Variants in TSC2 observed in about 807,000 individuals in gnomAD.
TSC2 encodes TSC complex subunit 2.
TSC2 carries 29 observed loss-of-function variants against 202.2 expected under a neutral mutation model. The observed-to-expected ratio is 0.14, with a 90% CI of 0.11 to 0.20. The LOEUF (loss-of-function observed/expected upper bound fraction) is 0.20, where lower values mean the gene tolerates loss of function less well. TSC2 is among the 10% of genes least tolerant of loss of function. The pLI is 1.00. For missense variants in TSC2, 2,429 were observed against 2,420.0 expected (o/e 1.00, Z -0.08); for synonymous variants, 1,349 against 1,044.0 (o/e 1.29, Z -5.63).
intron 26 of TSC2, 29 bp downstream of exon 26, chr16:2,077,755 G>A: frequency 6.2e-7 from 1 of 1,609,762 alleles, no homozygotes; most frequent in Non-Finnish European, 8.5e-7. Flanking sequence ...GGGGGGCACG[G>A]ACCCTGGAGC....
At position 2,081,764 on chromosome 16, in the gene TSC2, G is replaced by T; in HGVS notation, c.3780G>T (p.Thr1260=). ...YKSLSVPAAS[T]AKPPPLPRSN... ...CACTGTCGGTGCCGGCAGCCAGCAC[G>T]GCCAAACCCCCTCCTCTGCCTCGCT... Residue 1260 remains threonine (T), a synonymous_variant, in exon 31 of 42, where the codon ACG becomes ACT. Transcript: ENST00000219476. 6.2e-7 allele frequency: 1 copy of T among 1,612,730 alleles called. No homozygotes were observed. Among genetic ancestry groups the T allele is most frequent in the Non-Finnish European group, 8.5e-7 (1 of 1,179,998 alleles).
chr16:2,075,803 G>A lies in TSC2; in HGVS notation c.2550G>A (p.Leu850=), dbSNP rs781100484. ...AVPLLEFLST[L]ARLPHLYRNF... ...CCACCCTCTCCATTACCGCAGCTCT[G>A]GCCAGGCTGCCGCACCTCTACAGGA... Residue 850 remains leucine (L), a synonymous_variant, in exon 23 of 42, where the codon CTG becomes CTA. Coordinates refer to ENST00000219476, the MANE Select transcript of TSC2 (RefSeq NM_000548.5). The A allele has an allele frequency of 6.2e-7, 1 of 1,612,614 alleles. No individual in the cohort carries two copies. The highest frequency in any genetic ancestry group is 2.2e-5 in the East Asian group (1 of 44,874).
intron 38 of TSC2, among the ~76,000 whole-genome samples, 151 bp from the exon 39 acceptor site, chr16:2,087,708 CCAGA>C (rs906930924): frequency 1.2e-4 from 19 of 152,290 alleles, no homozygotes; most frequent in African/African-American, 3.1e-4. Context: ...CTGGGGGAGG[CCAGA>C]CAAACACAGC....
chr16:2,059,966 G>T (rs909649089), intron 10 of TSC2, among the ~76,000 whole-genome samples: 2 of 152,134 alleles, frequency 1.3e-5, no homozygotes, highest in African/African-American at 4.8e-5. Flanking sequence ...CAGCCCAAAG[G>T]CTTTATTCTC....
intron 16 of TSC2, chr16:2,066,455 G>C (rs1238114565): frequency 6.6e-6 from 1 of 152,256 alleles, no homozygotes; most frequent in Non-Finnish European, 1.5e-5. Context: ...GCTGCGGTGA[G>C]TGGTGCTGCT....
At chr16:2,063,137 G>A in intron 14 of TSC2, 84 bp downstream of exon 14, 1 of 1,495,200 alleles carries the variant, frequency 6.7e-7, no homozygotes, top group Non-Finnish European at 9.1e-7. Context: ...TGCTCCCGCA[G>A]AGCCGGGCTC....
chr16:2,080,577 G>T lies in TSC2; in HGVS notation c.3610+200G>T, dbSNP rs1019507275. The T allele has an allele frequency of 5.3e-5, 34 of 642,682 alleles. No homozygotes were observed. In the South Asian group the frequency reaches 6.5e-4, roughly 12 times the overall value. 39.8% of individuals were successfully genotyped at this position (642,682 alleles called of 1,614,324 possible). ...CGGCTCACTGCAAGCTCCACCTCCCGGGTTCACGCCATTCTCCTGCCTCAG... is the reference window on the plus strand; with the variant it reads ...CGGCTCACTGCAAGCTCCACCTCCCTGGTTCACGCCATTCTCCTGCCTCAG... On this transcript the variant is annotated intron_variant, in intron 30 of 41. Transcript: ENST00000219476.
chr16:2,061,569 T>TG (rs1206226473), intron 11 of TSC2: 9 of 455,798 alleles, frequency 2.0e-5, no homozygotes, highest in Admixed American at 3.4e-5. Context: ...CAAGATTCCT[T>TG]GGGGGGTGGG....
rs777632193 is a variant in TSC2 at position 2,065,483 on chromosome 16, T to C, written c.1600-36T>C. ...TCTCACGGCTGCTGACTCAGAACCA[T>C]GAGCCTGTGTGTAAGTCCTGGCCTT... On this transcript the variant is annotated intron_variant, in intron 15 of 41. Coordinates refer to ENST00000219476, the MANE Select transcript of TSC2 (RefSeq NM_000548.5). The C allele has an allele frequency of 4.6e-6, 7 of 1,513,026 alleles. No homozygotes were observed. In the South Asian group the frequency reaches 5.6e-5, roughly 12 times the overall value. The allele number at this position is 1,513,026 out of a possible 1,614,324, so 93.7% of individuals were successfully genotyped here. A position where few individuals can be genotyped will look rare whatever the true frequency, so the allele number is the denominator to read the frequency against.
At position 2,070,695 on chromosome 16, in the gene TSC2, C is replaced by G. The variant is rs1462287481; in HGVS notation, c.1839+117C>G. 2.0e-6 allele frequency: 3 copies of G among 1,518,084 alleles called. No individual in the cohort carries two copies. The East Asian group carries it at 7.3e-5, about 37-fold the overall frequency. 94.0% of individuals were successfully genotyped at this position (1,518,084 alleles called of 1,614,324 possible). On this transcript the variant is annotated intron_variant, in intron 17 of 41. Transcript: ENST00000219476. ...GCCCCAGGATGGGGCCTCAGCTGAC[C>G]GTCCCTCCTCTGCACCCACTGTGGC... is the stretch of plus-strand genomic sequence containing the variant.
chr16:2,073,696 C>G (rs2088839294), intron 21 of TSC2, among the ~76,000 whole-genome samples: 1 of 152,252 alleles, frequency 6.6e-6, no homozygotes. Context: ...CATAGCCAGC[C>G]TTGCTGGGCT....
intron 30 of TSC2, chr16:2,080,578 G>T: frequency 1.6e-6 from 1 of 639,428 alleles, no homozygotes; most frequent in East Asian, 2.9e-5. Flanking sequence ...CCACCTCCCG[G>T]GTTCACGCCA....
Position 2,079,716 on chromosome 16 carries a change from C to A in TSC2, c.3397+47C>A, listed in dbSNP as rs1416278834. 3.3e-6 allele frequency: 5 copies of A among 1,530,100 alleles called. No individual in the cohort carries two copies. The highest frequency in any genetic ancestry group is 3.5e-6 in the Non-Finnish European group (4 of 1,134,640). 94.8% of individuals were successfully genotyped at this position (1,530,100 alleles called of 1,614,324 possible). A position where few individuals can be genotyped will look rare whatever the true frequency, so the allele number is the denominator to read the frequency against. ...CTCCACACAGGCACCGGGGCTCCCT[C>A]AGTTGCTGCTGGTCCCAGTGTTCAG... On this transcript the variant is annotated intron_variant, in intron 29 of 41. Coordinates refer to ENST00000219476, the MANE Select transcript of TSC2 (RefSeq NM_000548.5). The surrounding 1 kb of genome is among the most constrained non-coding windows in gnomAD (Gnocchi z 4.6).
At chr16:2,077,207 A>C (rs978512377) in intron 25 of TSC2, among the ~76,000 whole-genome samples, 2 of 152,102 alleles carry the variant, frequency 1.3e-5, no homozygotes, top group African/African-American at 4.8e-5. Context: ...GGGCCTGGCC[A>C]CTGAGGCCTC....
chr16:2,060,578 C>G (rs1035475810), intron 10 of TSC2, 92 bp from the exon 11 acceptor site: 1 of 1,601,994 alleles, frequency 6.2e-7, no homozygotes, highest in Admixed American at 1.7e-5. Context: ...CGCGCTCAGG[C>G]GTGCTACTCT....
At chr16:2,071,671 G>T (rs2088425188) in intron 18 of TSC2, 55 bp downstream of exon 18, 1 of 1,607,586 alleles carries the variant, frequency 6.2e-7, no homozygotes, top group South Asian at 1.1e-5. Flanking sequence ...AGGCGCTGGG[G>T]CTGTGGTGGC....
rs1035475810 is a variant in TSC2 at position 2,060,578 on chromosome 16, C to T, written c.976-92C>T. Reference sequence around the variant, plus strand: ...GTGTGGTGGGCACTGCGCGCTCAGGCGTGCTACTCTCGGTCCCAAGGGTGA... The same window carrying T: ...GTGTGGTGGGCACTGCGCGCTCAGGTGTGCTACTCTCGGTCCCAAGGGTGA... On this transcript the variant is annotated intron_variant, in intron 10 of 41. Transcript: ENST00000219476. The T allele has an allele frequency of 7.5e-6, 12 of 1,601,994 alleles. No homozygotes were observed. The South Asian group carries it at 8.8e-5, about 12-fold the overall frequency.
chr16:2,076,221 T>A (rs769888119), intron 24 of TSC2, 51 bp downstream of exon 24: 1 of 1,610,780 alleles, frequency 6.2e-7, no homozygotes, highest in South Asian at 1.1e-5. Context: ...CAGGGCTTGC[T>A]TTGCCCTTGG....
chr16:2,061,228 C>T (rs994234011), intron 11 of TSC2: 2 of 321,240 alleles, frequency 6.2e-6, no homozygotes, highest in South Asian at 2.8e-5. Context: ...CACACGGGCT[C>T]ATCAGCATAG....
Sources: gnomAD v4.1 joint callset for allele counts (sites outside exome capture counted in the v4.1 genomes callset) on GRCh38, gnomAD v4.1.1 for gene constraint, Gnocchi (gnomAD v3.1) non-coding constraint, MANE v1.5 for transcripts, NCBI Gene and HGNC (gene_info 2026-07-23, HGNC 2026-07-21) for gene names.